Variants in ELAPOR2 observed in about 807,000 individuals in gnomAD.
ELAPOR2 encodes endosome/lysosome-associated apoptosis and autophagy regulator family member 2.
In ELAPOR2, 89 loss-of-function variants were observed where a neutral mutation model predicts 120.7. The observed-to-expected ratio is 0.74, with a 90% CI of 0.62 to 0.88. The LOEUF (loss-of-function observed/expected upper bound fraction) is 0.88. ELAPOR2 is among the 40% of genes least tolerant of loss of function. ELAPOR2 has a pLI of 0.00. For missense variants in ELAPOR2, 1,134 were observed against 1,251.6 expected (o/e 0.91, Z 1.42); for synonymous variants, 444 against 444.9 (o/e 1.00, Z 0.03).
Position 86,878,813 on chromosome 7 carries a change from A to G in ELAPOR2, c.*1658T>C, listed in dbSNP as rs1310820523. 1 of 152,212 alleles carries G rather than the reference A, an allele frequency of 6.6e-6. No homozygotes were observed. The highest frequency in any genetic ancestry group is 1.9e-4 in the East Asian group (1 of 5,182). The allele number at this position is 152,212 out of a possible 1,614,324, so 9.4% of individuals were successfully genotyped here. ...TGCAAAAAAAGGTTTATGCAAAGTG[A>G]CTCCCTCCCTGAATCCCAGAGCAAA... On this transcript the variant is annotated 3_prime_UTR_variant, in exon 22 of 22. Transcript: ENST00000450689.
intron 1 of ELAPOR2, among the ~76,000 whole-genome samples, chr7:86,992,076 G>T (rs529391748): frequency 6.6e-6 from 1 of 152,300 alleles, no homozygotes; most frequent in Admixed American, 6.5e-5. Flanking sequence ...AATCAAAATA[G>T]TGTCATCAAT....
rs1799318500 is a variant in ELAPOR2, at chr7:86,879,891, T to C, written c.*580A>G. ...GATAACCCAAGCACATGCTAACTCT[T>C]CCTGAAATTTAAATCAAGAGAAGAT... On this transcript the variant is annotated 3_prime_UTR_variant, in exon 22 of 22. Coordinates refer to ENST00000450689, the MANE Select transcript of ELAPOR2 (RefSeq NM_001142749.3). The C allele has an allele frequency of 6.6e-6, 1 of 152,226 alleles. No individual in the cohort carries two copies. Among genetic ancestry groups the C allele is most frequent in the Non-Finnish European group, 1.5e-5 (1 of 68,058 alleles). The allele number at this position is 152,226 out of a possible 1,614,324, so 9.4% of individuals were successfully genotyped here.
At chr7:86,986,071 C>T (rs1792720146) in intron 1 of ELAPOR2, among the ~76,000 whole-genome samples, 2 of 151,456 alleles carry the variant, frequency 1.3e-5, no homozygotes, top group African/African-American at 2.4e-5. Context: ...GGCAATCAGG[C>T]AAGAGAAAGA....
chr7:86,894,215 A>AT (rs890035939), intron 19 of ELAPOR2, among the ~76,000 whole-genome samples: 1 of 152,044 alleles, frequency 6.6e-6, no homozygotes, highest in South Asian at 2.1e-4. Context: ...TAGTGACTGG[A>AT]TTTTTTTGTT....
At chr7:87,043,649 A>G (rs376452395) in intron 1 of ELAPOR2, among the ~76,000 whole-genome samples, 13,419 of 147,928 alleles carry the variant, frequency 0.091, 1,299 homozygotes, top group African/African-American at 0.23. Flanking sequence ...ACCCACAGCC[A>G]ATATCATACT....
intron 5 of ELAPOR2, among the ~76,000 whole-genome samples, chr7:86,941,137 A>G (rs1281440966): frequency 1.3e-5 from 2 of 152,082 alleles, no homozygotes; most frequent in Non-Finnish European, 2.9e-5. Context: ...AGCTTGATCT[A>G]TATTGTAGGC....
intron 1 of ELAPOR2, among the ~76,000 whole-genome samples, chr7:87,004,534 C>T (rs1308987027): frequency 6.6e-6 from 1 of 152,170 alleles, no homozygotes; most frequent in Admixed American, 6.6e-5. Context: ...CTGTTGTACA[C>T]AAGATGCTGC....
intron 1 of ELAPOR2, among the ~76,000 whole-genome samples, chr7:87,022,889 G>A (rs563612518): frequency 0.014 from 2,117 of 151,960 alleles, 54 homozygotes; most frequent in African/African-American, 0.048. Context: ...TTTGAGAAGT[G>A]TCTGTTCATA....
At chr7:86,917,264 A>G (rs1334051468) in intron 12 of ELAPOR2, among the ~76,000 whole-genome samples, 1 of 152,038 alleles carries the variant, frequency 6.6e-6, no homozygotes, top group Admixed American at 6.6e-5. Flanking sequence ...TACTAAAAAT[A>G]CAAAAATTAG....
At chr7:86,896,510 C>T (rs991894167) in intron 19 of ELAPOR2, among the ~76,000 whole-genome samples, 1 of 152,094 alleles carries the variant, frequency 6.6e-6, no homozygotes, top group Non-Finnish European at 1.5e-5. Flanking sequence ...CTGCTAACTG[C>T]AAGCTCTTCA....
At chr7:87,019,316 A>G (rs2116693558) in intron 1 of ELAPOR2, among the ~76,000 whole-genome samples, 1 of 152,174 alleles carries the variant, frequency 6.6e-6, no homozygotes, top group African/African-American at 2.4e-5. Flanking sequence ...GGCATATGCT[A>G]CTACACCAAT....
At chr7:86,973,245 T>C (rs191043473) in intron 1 of ELAPOR2, among the ~76,000 whole-genome samples, 19 of 152,270 alleles carry the variant, frequency 1.2e-4, no homozygotes, top group Admixed American at 6.5e-4. Flanking sequence ...TTGCATAAAA[T>C]GCCTTTTTCA....
intron 3 of ELAPOR2, among the ~76,000 whole-genome samples, chr7:86,947,304 G>A (rs200484736): frequency 1.3e-5 from 2 of 152,200 alleles, no homozygotes; most frequent in East Asian, 1.9e-4. Context: ...AAGCAAAGGC[G>A]CTTTCCACCT....
In ELAPOR2 at chr7:86,907,023, C is replaced by T. The variant is rs186590313; in HGVS notation, c.2558+647G>A. 1.8e-4 allele frequency among the ~76,000 whole-genome samples: 28 copies of T among 152,204 alleles called. No individual in the cohort carries two copies. In the East Asian group the frequency reaches 5.2e-3, roughly 28 times the overall value. On this transcript the variant is annotated intron_variant, in intron 18 of 21. Coordinates refer to ENST00000450689, the MANE Select transcript of ELAPOR2 (RefSeq NM_001142749.3). ...CTGTATTTAAGTTGACAATTCTGAG[C>T]CTACAAAATTGTTTTCTTGTTGTTT...
At chr7:86,979,833 T>A (rs1270274167) in intron 1 of ELAPOR2, among the ~76,000 whole-genome samples, 1 of 152,176 alleles carries the variant, frequency 6.6e-6, no homozygotes, top group Admixed American at 6.5e-5. Flanking sequence ...CCCAGGGGTG[T>A]CCAAGGGAGA....
chr7:86,993,575 C>A (rs78331448), intron 1 of ELAPOR2, among the ~76,000 whole-genome samples: 2,721 of 152,272 alleles, frequency 0.018, 80 homozygotes, highest in African/African-American at 0.063. Flanking sequence ...CCTACTGATG[C>A]TGATAAATCT....
chr7:86,949,753 A>T (rs1391896358), intron 2 of ELAPOR2, among the ~76,000 whole-genome samples: 1 of 152,196 alleles, frequency 6.6e-6, no homozygotes, highest in Non-Finnish European at 1.5e-5. Flanking sequence ...CTGCCACCTC[A>T]GCCTCCTCCA....
intron 1 of ELAPOR2, among the ~76,000 whole-genome samples, chr7:86,978,266 C>T (rs775308837): frequency 3.2e-4 from 49 of 152,270 alleles, no homozygotes; most frequent in African/African-American, 1.1e-3. Context: ...GAGGCCTCCG[C>T]AGCCATGTGG....
intron 1 of ELAPOR2, among the ~76,000 whole-genome samples, chr7:86,970,740 T>C (rs1183747252): frequency 6.6e-6 from 1 of 152,210 alleles, no homozygotes; most frequent in Admixed American, 6.5e-5. Flanking sequence ...TTTTCTTTTA[T>C]AAAAGGAACA....
Sources: allele counts gnomAD v4.1 joint callset (sites outside exome capture counted in the v4.1 genomes callset), GRCh38; gene constraint gnomAD v4.1.1; transcripts MANE v1.5; gene names NCBI Gene and HGNC (gene_info 2026-07-23, HGNC 2026-07-21).